TBCD: variants seen among roughly 807,000 people sequenced by gnomAD.
TBCD encodes tubulin-specific chaperone D.
A neutral mutation model predicts 169.3 loss-of-function variants in TBCD; 105 were observed. The observed-to-expected ratio is 0.62, with a 90% CI of 0.53 to 0.73. TBCD has a LOEUF of 0.73. Ranked by LOEUF, TBCD falls within the 30% of genes least tolerant of loss-of-function variation. TBCD has a pLI of 0.00. For synonymous variants in TBCD, 700 were observed against 643.9 expected, an observed-to-expected ratio of 1.09 and a Z score of -1.32; for missense variants, 1,444 against 1,600.1, an observed-to-expected ratio of 0.90 and a Z score of 1.66.
At chr17:82,854,152 T>C (rs921173886) in intron 13 of TBCD, among the ~76,000 whole-genome samples, 1 of 152,248 alleles carries the variant, frequency 6.6e-6, no homozygotes, top group African/African-American at 2.4e-5. Context: ...TAGTTCTTCT[T>C]GTTTAACATT....
intron 33 of TBCD, chr17:82,932,114 T>C (rs2062258197): frequency 1.2e-5 from 2 of 167,932 alleles, no homozygotes; most frequent in Non-Finnish European, 1.3e-5. Flanking sequence ...CATCTCCCCT[T>C]GTTCTCTGAG....
At chr17:82,907,491 T>A (rs1005990237) in intron 20 of TBCD, among the ~76,000 whole-genome samples, 5 of 152,240 alleles carry the variant, frequency 3.3e-5, no homozygotes, top group African/African-American at 1.2e-4. Context: ...GAGACCAGCC[T>A]GGGCAACATA....
At chr17:82,871,040 C>T (rs942985879) in intron 14 of TBCD, among the ~76,000 whole-genome samples, 2 of 152,218 alleles carry the variant, frequency 1.3e-5, no homozygotes, top group Admixed American at 1.3e-4. Context: ...ACACTTTTTC[C>T]CTCTGGCTTC....
At chr17:82,836,286 G>A (rs540623502) in intron 13 of TBCD, among the ~76,000 whole-genome samples, 15 of 152,212 alleles carry the variant, frequency 9.9e-5, no homozygotes, top group Non-Finnish European at 1.9e-4. Context: ...CGCGCTCCCT[G>A]GTTCTGAAGG....
chr17:82,825,899 GAGGCTGCAGTGAGCTGTGAT>G (rs1042423603), intron 13 of TBCD, among the ~76,000 whole-genome samples: 9 of 152,248 alleles, frequency 5.9e-5, no homozygotes, highest in African/African-American at 2.2e-4. Context: ...CCGGGAGGTT[GAGGCTGCAGTGAGCTGTGAT>G]CGCGCCACTG....
rs928818480 is a variant in TBCD, at chr17:82,793,596, A to G, written c.772-4161A>G. On this transcript the variant is annotated intron_variant, in intron 7 of 38. Transcript: ENST00000355528. ...CACGTCCTGCAGGGTGCAGCCCAGC[A>G]TGGGTTTCACTGCCCTCCAGGAAAG... 5.3e-5 allele frequency among the ~76,000 whole-genome samples: 8 copies of G among 152,154 alleles called. 1 individual carries two copies. Among genetic ancestry groups the G allele is most frequent in the Admixed American group, 2.6e-4 (4 of 15,278 alleles).
intron 7 of TBCD, 106 bp downstream of exon 7, chr17:82,781,827 C>CCGTGGGAT: frequency 6.6e-7 from 1 of 1,514,258 alleles, no homozygotes; most frequent in Non-Finnish European, 8.9e-7. Flanking sequence ...AATTGGAACC[C>CCGTGGGAT]CGTGGGATTG....
intron 5 of TBCD, among the ~76,000 whole-genome samples, chr17:82,770,422 A>G (rs944272101): frequency 6.6e-6 from 1 of 151,848 alleles, no homozygotes; most frequent in African/African-American, 2.4e-5. Context: ...CAACATGGAG[A>G]AACCTTGTCT....
At chr17:82,905,517 G>C (rs1336122288) in intron 19 of TBCD, among the ~76,000 whole-genome samples, 1 of 142,328 alleles carries the variant, frequency 7.0e-6, no homozygotes, top group Non-Finnish European at 1.6e-5. Flanking sequence ...TCCCGGCCCT[G>C]TGTGGGTGCG....
intron 13 of TBCD, among the ~76,000 whole-genome samples, chr17:82,845,184 A>C (rs1406017810): frequency 6.6e-6 from 1 of 152,038 alleles, no homozygotes; most frequent in Non-Finnish European, 1.5e-5. Context: ...GAGCTTTCCT[A>C]GTTTCCAGGT....
At chr17:82,937,784 C>T in intron 35 of TBCD, 1 of 1,277,690 alleles carries the variant, frequency 7.8e-7, no homozygotes, top group Non-Finnish European at 1.1e-6. Flanking sequence ...AGGTGGGGGT[C>T]CTCATGGCAG....
At chr17:82,791,750 C>G (rs2049745944) in intron 7 of TBCD, among the ~76,000 whole-genome samples, 1 of 152,222 alleles carries the variant, frequency 6.6e-6, no homozygotes, top group Non-Finnish European at 1.5e-5. Context: ...ATGAAACAGT[C>G]ATGCGTCCCC....
intron 16 of TBCD, chr17:82,893,190 G>A (rs1192519607): frequency 1.5e-5 from 4 of 266,956 alleles, no homozygotes; most frequent in African/African-American, 2.2e-5. Context: ...GGCTCAGGCC[G>A]ATGGAGGTCA....
intron 13 of TBCD, among the ~76,000 whole-genome samples, chr17:82,842,169 T>C (rs2145474546): frequency 1.3e-5 from 2 of 152,266 alleles, no homozygotes; most frequent in South Asian, 2.1e-4. Flanking sequence ...ACCTTGGCCT[T>C]TCCTAAGCTG....
chr17:82,858,975 C>T (rs1002892085), intron 13 of TBCD, among the ~76,000 whole-genome samples: 1 of 152,202 alleles, frequency 6.6e-6, no homozygotes, highest in Non-Finnish European at 1.5e-5. Flanking sequence ...GCCGTGAGGC[C>T]GGGGCCAGGC....
chr17:82,817,335 C>T (rs1315189520), intron 13 of TBCD, among the ~76,000 whole-genome samples: 1 of 151,926 alleles, frequency 6.6e-6, no homozygotes, highest in Non-Finnish European at 1.5e-5. Flanking sequence ...TCATTCCCAT[C>T]GCCCAGGCCG....
At chr17:82,873,641 G>T (rs2057764378) in intron 14 of TBCD, among the ~76,000 whole-genome samples, 1 of 152,216 alleles carries the variant, frequency 6.6e-6, no homozygotes, top group South Asian at 2.1e-4. Flanking sequence ...TCTGCCTTTG[G>T]CAACGTTAGA....
At chr17:82,881,795 T>G (rs1053077298) in intron 14 of TBCD, among the ~76,000 whole-genome samples, 3 of 152,226 alleles carry the variant, frequency 2.0e-5, no homozygotes, top group African/African-American at 7.2e-5. Flanking sequence ...CTTCCTATGT[T>G]TATGCTATAT....
Position 82,874,563 on chromosome 17 carries a change from G to C in TBCD, c.1475+4183G>C, listed in dbSNP as rs534242720. On this transcript the variant is annotated intron_variant, in intron 14 of 38. Transcript: ENST00000355528. The surrounding 1 kb of genome is among the most constrained non-coding windows in gnomAD (Gnocchi z 5.0). ...CTTTACCTGTGCCATCCCGGCCGCAGACCCAAGGGTGCCCTTGGAGCCGTG... is the reference window on the plus strand; with the variant it reads ...CTTTACCTGTGCCATCCCGGCCGCACACCCAAGGGTGCCCTTGGAGCCGTG... Among the ~76,000 whole-genome samples, 2 of 152,294 alleles carry C rather than the reference G, an allele frequency of 1.3e-5. No individual in the cohort carries two copies. The highest frequency in any genetic ancestry group is 1.3e-4 in the Admixed American group (2 of 15,302).
Sources: allele counts gnomAD v4.1 joint callset (sites outside exome capture counted in the v4.1 genomes callset), GRCh38; gene constraint gnomAD v4.1.1; non-coding constraint Gnocchi (gnomAD v3.1); transcripts MANE v1.5; gene names NCBI Gene and HGNC (gene_info 2026-07-23, HGNC 2026-07-21).